The following EXT1 variants were observed in gnomAD, a reference collection of about 807,000 sequenced individuals.
EXT1 encodes the protein exostosin glycosyltransferase 1.
EXT1 carries 20 observed loss-of-function variants against 82.5 expected under a neutral mutation model. The observed-to-expected ratio is 0.24, with a 90% CI of 0.17 to 0.35. EXT1 has a LOEUF of 0.35. Ranked by LOEUF, EXT1 falls within the 10% of genes least tolerant of loss-of-function variation. EXT1 has a pLI of 1.00. For synonymous variants in EXT1, 348 were observed against 350.8 expected, an observed-to-expected ratio of 0.99 and a Z score of 0.09; for missense variants, 757 against 936.5, an observed-to-expected ratio of 0.81 and a Z score of 2.50.
intron 1 of EXT1, among the ~76,000 whole-genome samples, chr8:117,892,322 A>T (rs1813258661): frequency 6.6e-6 from 1 of 152,240 alleles, no homozygotes; most frequent in Admixed American, 6.5e-5. Flanking sequence ...AAAGTCAATG[A>T]TCTCACAAGG....
intron 1 of EXT1, among the ~76,000 whole-genome samples, chr8:118,057,303 G>T (rs1334943359): frequency 1.3e-5 from 2 of 152,134 alleles, no homozygotes; most frequent in African/African-American, 4.8e-5. Flanking sequence ...ACTTTGGGAG[G>T]CCGAGGCAGG....
At chr8:117,826,494 A>C (rs1812009891) in intron 4 of EXT1, among the ~76,000 whole-genome samples, 1 of 152,212 alleles carries the variant, frequency 6.6e-6, no homozygotes, top group Admixed American at 6.5e-5. Flanking sequence ...ATATTATCTA[A>C]GTTCTAAGCC....
At chr8:117,836,630 G>A (rs1812192312) in intron 2 of EXT1, among the ~76,000 whole-genome samples, 1 of 152,140 alleles carries the variant, frequency 6.6e-6, no homozygotes. Context: ...AAGGCTCCAG[G>A]GCTGGAGCCA....
At chr8:118,052,849 T>C (rs1433050196) in intron 1 of EXT1, among the ~76,000 whole-genome samples, 1 of 152,190 alleles carries the variant, frequency 6.6e-6, no homozygotes, top group Non-Finnish European at 1.5e-5. Context: ...TTACAAATAA[T>C]CTGCCTTCCC....
chr8:117,995,170 C>G (rs1815511402), intron 1 of EXT1, among the ~76,000 whole-genome samples: 1 of 152,176 alleles, frequency 6.6e-6, no homozygotes, highest in Non-Finnish European at 1.5e-5. Context: ...GGTCAATCAG[C>G]AGAGTTAATG....
intron 1 of EXT1, among the ~76,000 whole-genome samples, chr8:118,077,477 C>T (rs1294710888): frequency 1.3e-5 from 2 of 152,290 alleles, no homozygotes; most frequent in Admixed American, 1.3e-4. Context: ...AAGAGCCTAT[C>T]CTGAAGGATC....
intron 7 of EXT1, among the ~76,000 whole-genome samples, chr8:117,815,843 T>A (rs1231559338): frequency 6.6e-6 from 1 of 150,946 alleles, no homozygotes; most frequent in African/African-American, 2.4e-5. Context: ...GGCAGGAGAA[T>A]CGCTTGAACC....
intron 1 of EXT1, among the ~76,000 whole-genome samples, chr8:117,864,586 A>G (rs908846797): frequency 6.6e-6 from 1 of 152,090 alleles, no homozygotes; most frequent in Non-Finnish European, 1.5e-5. Flanking sequence ...CGTCTCTACT[A>G]AAAATACAAA....
chr8:117,874,244 G>T (rs1283204223), intron 1 of EXT1, among the ~76,000 whole-genome samples: 4 of 152,118 alleles, frequency 2.6e-5, no homozygotes, highest in Non-Finnish European at 5.9e-5. Flanking sequence ...AAGTTTGTAT[G>T]ACAATTTAGA....
intron 1 of EXT1, among the ~76,000 whole-genome samples, chr8:117,910,284 G>A (rs1016856840): frequency 1.3e-5 from 2 of 152,132 alleles, no homozygotes; most frequent in African/African-American, 2.4e-5. Context: ...TGAAGAAACC[G>A]GGCTGCCAGG....
chr8:117,916,612 G>A (rs1813759128), intron 1 of EXT1, among the ~76,000 whole-genome samples: 1 of 152,198 alleles, frequency 6.6e-6, no homozygotes, highest in African/African-American at 2.4e-5. Flanking sequence ...TCAGTTTAAA[G>A]TTTAACAATA....
At chr8:118,098,016 G>A (rs559167228) in intron 1 of EXT1, among the ~76,000 whole-genome samples, 3 of 152,048 alleles carry the variant, frequency 2.0e-5, no homozygotes, top group Admixed American at 6.5e-5. Context: ...GGAAAGCGGG[G>A]AGAAGGAGGA....
intron 7 of EXT1, among the ~76,000 whole-genome samples, chr8:117,817,918 T>C: frequency 6.6e-6 from 1 of 152,224 alleles, no homozygotes; most frequent in East Asian, 1.9e-4. Flanking sequence ...GCCGGCTATG[T>C]AGCACTCATG....
chr8:118,111,474 G>A lies in EXT1; in HGVS notation c.-428C>T. 2 of 541,770 alleles carry A rather than the reference G, an allele frequency of 3.7e-6. No homozygotes were observed. Among genetic ancestry groups the A allele is most frequent in the East Asian group, 2.9e-5 (1 of 34,108 alleles). The allele number at this position is 541,770 out of a possible 1,614,324, so 33.6% of individuals were successfully genotyped here. On this transcript the variant is annotated 5_prime_UTR_variant, in exon 1 of 11. Coordinates refer to ENST00000378204, the MANE Select transcript of EXT1 (RefSeq NM_000127.3). ...CAGCGTGGAAAATGAGCCCCGGGAAGGCAACTTCAACTCATCCACCACTCT... is the reference window on the plus strand; with the variant it reads ...CAGCGTGGAAAATGAGCCCCGGGAAAGCAACTTCAACTCATCCACCACTCT...
chr8:118,064,185 T>C (rs971579231), intron 1 of EXT1, among the ~76,000 whole-genome samples: 45 of 152,118 alleles, frequency 3.0e-4, no homozygotes, highest in Admixed American at 2.6e-3. Context: ...TTTTTCTTTT[T>C]CTTTTTTTTA....
At chr8:117,809,218 A>ATATATATATATATATATAT (rs1823280806) in intron 8 of EXT1, among the ~76,000 whole-genome samples, 1 of 107,924 alleles carries the variant, frequency 9.3e-6, no homozygotes, top group Non-Finnish European at 1.9e-5. Context: ...TGTGTGTATA[A>ATATATATATATATATATAT]ATATATATAT....
At chr8:118,106,409 C>A (rs925880540) in intron 1 of EXT1, among the ~76,000 whole-genome samples, 1 of 152,206 alleles carries the variant, frequency 6.6e-6, no homozygotes, top group Non-Finnish European at 1.5e-5. Context: ...ACCCCTGAAA[C>A]GTTCTGTCCC....
At chr8:117,960,516 A>G (rs1485821933) in intron 1 of EXT1, among the ~76,000 whole-genome samples, 2 of 152,198 alleles carry the variant, frequency 1.3e-5, no homozygotes, top group Non-Finnish European at 2.9e-5. Flanking sequence ...CTGAGATTGG[A>G]TAGAGAAACA....
rs151291500 is a variant in EXT1 at position 118,040,183 on chromosome 8, C to G, written c.962+69902G>C. Among the ~76,000 whole-genome samples the G allele has an allele frequency of 4.3e-3, 650 of 152,174 alleles. 3 individuals carry two copies. The highest frequency in any genetic ancestry group is 0.014 in the African/African-American group (596 of 41,494). ...CAAACTGCTCTGTAGTTCAAAAAAG[C>G]CTGCTGGCCTAATTACCAGTCCGCA... On this transcript the variant is annotated intron_variant, in intron 1 of 10. Transcript: ENST00000378204.
Sources: allele counts gnomAD v4.1 joint callset (sites outside exome capture counted in the v4.1 genomes callset), GRCh38; gene constraint gnomAD v4.1.1; transcripts MANE v1.5; gene names NCBI Gene and HGNC (gene_info 2026-07-23, HGNC 2026-07-21).